MFSD11: variants seen among roughly 807,000 people sequenced by gnomAD.
The protein encoded by MFSD11 is major facilitator superfamily domain containing 11.
A neutral mutation model predicts 53.5 loss-of-function variants in MFSD11; 36 were observed. The ratio of observed to expected loss-of-function variants is 0.67; its 90% CI spans 0.52 to 0.89. The LOEUF is 0.89. Among genes scored for constraint, MFSD11 ranks in the 40% least tolerant of loss-of-function variants. The pLI is 0.00. For synonymous variants in MFSD11, 186 were observed against 184.9 expected, an observed-to-expected ratio of 1.01 and a Z score of -0.05; for missense variants, 530 against 543.9, an observed-to-expected ratio of 0.97 and a Z score of 0.25.
chr17:76,777,209 G>C (rs545839573), intron 12 of MFSD11, among the ~76,000 whole-genome samples: 1 of 151,588 alleles, frequency 6.6e-6, no homozygotes, highest in Non-Finnish European at 1.5e-5. Context: ...CGGAGCTTGC[G>C]GTGAGCCCAG....
intron 10 of MFSD11, among the ~76,000 whole-genome samples, chr17:76,772,128 A>G (rs1440676933): frequency 6.6e-6 from 1 of 152,192 alleles, no homozygotes; most frequent in African/African-American, 2.4e-5. Flanking sequence ...TTGATAAGAA[A>G]TTGCGAAAAT....
At chr17:76,767,996 C>T (rs759624309) in intron 9 of MFSD11, among the ~76,000 whole-genome samples, 13 of 152,134 alleles carry the variant, frequency 8.5e-5, no homozygotes, top group Admixed American at 5.9e-4. Flanking sequence ...AAATCTGTAA[C>T]TTTATATGGA....
chr17:76,750,254 C>T (rs960450470), intron 7 of MFSD11, among the ~76,000 whole-genome samples: 5 of 151,822 alleles, frequency 3.3e-5, no homozygotes, highest in African/African-American at 1.2e-4. Context: ...GAGGGTACTA[C>T]CAAATGATGG....
intron 2 of MFSD11, 58 bp from the exon 3 acceptor site, chr17:76,740,899 G>A: frequency 2.1e-6 from 2 of 932,366 alleles, no homozygotes; most frequent in South Asian, 2.9e-5. Context: ...CAGTGACACA[G>A]CATATAAGGG....
chr17:76,754,133 C>CT (rs11399997), intron 8 of MFSD11, 46 bp downstream of exon 8: 1,539,773 of 1,542,450 alleles, frequency 1, 768,589 homozygotes, highest in South Asian at 1. Context: ...TCAGGAACAA[C>CT]TCGGCATTTG....
chr17:76,801,683 G>C, the MFSD11 span, among the ~76,000 whole-genome samples: 2 of 151,998 alleles, frequency 1.3e-5, no homozygotes, highest in South Asian at 4.1e-4. Flanking sequence ...TGACCTCAGG[G>C]ATCCACCTGC....
At chr17:76,773,616 AT>A (rs934331198) in intron 10 of MFSD11, among the ~76,000 whole-genome samples, 3 of 149,608 alleles carry the variant, frequency 2.0e-5, no homozygotes, top group Non-Finnish European at 3.0e-5. Flanking sequence ...CACTTTTTAA[AT>A]TTTTTTTTTC....
At chr17:76,749,237 T>C (rs2144317622) in intron 7 of MFSD11, among the ~76,000 whole-genome samples, 1 of 152,248 alleles carries the variant, frequency 6.6e-6, no homozygotes, top group East Asian at 1.9e-4. Context: ...TGGCCCATGC[T>C]TGGCCTGTGG....
At chr17:76,787,436 C>G in the MFSD11 span, among the ~76,000 whole-genome samples, 1 of 150,078 alleles carries the variant, frequency 6.7e-6, no homozygotes, top group African/African-American at 2.4e-5. Context: ...CGCACCCGAC[C>G]AGATGTGAGT....
intron 8 of MFSD11, among the ~76,000 whole-genome samples, chr17:76,766,074 A>T (rs2080822919): frequency 6.7e-6 from 1 of 150,236 alleles, no homozygotes; most frequent in Non-Finnish European, 1.5e-5. Context: ...ATCATACTAG[A>T]TAATCTTTTA....
chr17:76,772,159 G>A (rs537134497), intron 10 of MFSD11, among the ~76,000 whole-genome samples: 7 of 152,112 alleles, frequency 4.6e-5, no homozygotes, highest in Non-Finnish European at 1.0e-4. Flanking sequence ...CAGTGCTCAC[G>A]CCTATAATTC....
chr17:76,784,457 T>C (rs1001905625), downstream of MFSD11, among the ~76,000 whole-genome samples: 19 of 151,804 alleles, frequency 1.3e-4, no homozygotes, highest in Non-Finnish European at 2.5e-4. Context: ...CGCTTGAACC[T>C]GGGAGGCAGA....
At chr17:76,763,523 C>T (rs1568092792) in intron 8 of MFSD11, among the ~76,000 whole-genome samples, 1 of 152,146 alleles carries the variant, frequency 6.6e-6, no homozygotes, top group African/African-American at 2.4e-5. Flanking sequence ...CTCAGCCTCC[C>T]AAAGTGCTGG....
At chr17:76,793,034 A>C in the MFSD11 span, among the ~76,000 whole-genome samples, 1 of 151,488 alleles carries the variant, frequency 6.6e-6, no homozygotes, top group Admixed American at 6.6e-5. Flanking sequence ...TTCACAAGGT[A>C]ATAGAATATC....
Position 76,775,172 on chromosome 17 carries a change from G to A in MFSD11, c.1049+1G>A, listed in dbSNP as rs2081705982. 5 of 1,613,056 alleles carry A rather than the reference G, an allele frequency of 3.1e-6. No homozygotes were observed. Among genetic ancestry groups the A allele is most frequent in the Non-Finnish European group, 4.2e-6 (5 of 1,179,602 alleles). ...ACAGCAGTGCTTACATCAAATCCAG[G>A]TATAGTGGCTGTCATTTCTCTAGTC... On this transcript the variant is annotated splice_donor_variant, in intron 11 of 12. Coordinates refer to ENST00000685175, the MANE Select transcript of MFSD11 (RefSeq NM_001242532.5). LOFTEE classifies it high-confidence loss of function.
Position 76,775,013 on chromosome 17 carries a change from C to G in MFSD11, c.891C>G (p.Gly297=), listed in dbSNP as rs1167717334. ...IGEILGGSLF[G]LLSKNNRFGR... is the part of the protein sequence containing the mutation. ...GACTTATAGGTGGAAGCCTCTTCGG[C>G]CTGCTGAGCAAGAACAATCGTTTTG... Residue 297 remains glycine (G), a synonymous_variant, in exon 11 of 13, where the codon GGC becomes GGG. Coordinates refer to ENST00000685175, the MANE Select transcript of MFSD11 (RefSeq NM_001242532.5). The G allele has an allele frequency of 1.2e-6, 2 of 1,613,768 alleles. No individual in the cohort carries two copies. The highest frequency in any genetic ancestry group is 3.3e-5 in the Admixed American group (2 of 59,960).
At chr17:76,772,625 C>T (rs891781461) in intron 10 of MFSD11, among the ~76,000 whole-genome samples, 1 of 148,378 alleles carries the variant, frequency 6.7e-6, no homozygotes, top group Non-Finnish European at 1.5e-5. Context: ...TCAAGCAATT[C>T]TTCTGCCTCA....
chr17:76,783,152 CAAAAAAA>C (rs753696509), downstream of MFSD11, among the ~76,000 whole-genome samples: 3 of 109,508 alleles, frequency 2.7e-5, no homozygotes, highest in South Asian at 8.8e-4. Flanking sequence ...ACTCCAGCTC[CAAAAAAA>C]AAAAAAAAGA....
chr17:76,774,618 G>C (rs1024008961), intron 10 of MFSD11, among the ~76,000 whole-genome samples: 15 of 152,172 alleles, frequency 9.9e-5, no homozygotes, highest in African/African-American at 3.4e-4. Flanking sequence ...CATAGTGACT[G>C]CCTTTCAGTG....
Sources: gnomAD v4.1 joint callset for allele counts (sites outside exome capture counted in the v4.1 genomes callset) on GRCh38, gnomAD v4.1.1 for gene constraint, MANE v1.5 for transcripts, NCBI Gene and HGNC (gene_info 2026-07-23, HGNC 2026-07-21) for gene names.